The following CRADD variants were observed in gnomAD, a reference collection of about 807,000 sequenced individuals.
The protein encoded by CRADD is death domain-containing protein CRADD.
A neutral mutation model predicts 15.5 loss-of-function variants in CRADD; 9 were observed. The ratio of observed to expected loss-of-function variants is 0.58; its 90% CI spans 0.35 to 1.01. CRADD has a LOEUF of 1.01. CRADD is among the 50% of genes least tolerant of loss of function. The pLI, the probability that CRADD is intolerant of heterozygous loss-of-function variation, is 0.02. For synonymous variants in CRADD, 118 were observed against 107.6 expected (o/e 1.10, Z -0.60); for missense variants, 227 against 250.3 (o/e 0.91, Z 0.63).
At chr12:93,798,624 C>T (rs750761203) in intron 2 of CRADD, among the ~76,000 whole-genome samples, 2 of 152,090 alleles carry the variant, frequency 1.3e-5, no homozygotes, top group Non-Finnish European at 2.9e-5. Context: ...GGGCTCTTGA[C>T]CATTATTCTT....
chr12:93,834,828 C>T (rs1228387101), intron 2 of CRADD, among the ~76,000 whole-genome samples: 3 of 152,196 alleles, frequency 2.0e-5, no homozygotes, highest in Admixed American at 2.0e-4. Context: ...GTGCCCAGTA[C>T]TAATCTTTTT....
intron 2 of CRADD, among the ~76,000 whole-genome samples, chr12:93,846,132 C>A (rs1476655170): frequency 6.6e-6 from 1 of 152,220 alleles, no homozygotes; most frequent in Non-Finnish European, 1.5e-5. Context: ...CTTTTTAAGG[C>A]TGAATAATAT....
At position 93,690,745 on chromosome 12, in the gene CRADD, C is replaced by G. The variant is rs77807321; in HGVS notation, c.298+11673C>G. ...TGAGGTTCAAACACTGACAGTCTGG[C>G]TCACAGTCTGTGCTTCTAATCACTA... On this transcript the variant is annotated intron_variant, in intron 2 of 2. Coordinates refer to ENST00000332896, the MANE Select transcript of CRADD (RefSeq NM_003805.5). 2.0e-4 allele frequency among the ~76,000 whole-genome samples: 30 copies of G among 152,338 alleles called. 1 individual carries two copies. In the East Asian group the frequency reaches 5.8e-3, roughly 29 times the overall value.
At chr12:93,817,884 G>A (rs1299450342) in intron 2 of CRADD, among the ~76,000 whole-genome samples, 1 of 152,100 alleles carries the variant, frequency 6.6e-6, no homozygotes, top group East Asian at 1.9e-4. Flanking sequence ...TGCTACTACT[G>A]TTGCAACCTT....
intron 2 of CRADD, among the ~76,000 whole-genome samples, chr12:93,886,398 C>T (rs1258488610): frequency 2.6e-5 from 4 of 152,144 alleles, no homozygotes; most frequent in Non-Finnish European, 2.9e-5. Flanking sequence ...TGAGCTCAAG[C>T]GATCTGTCCG....
chr12:93,880,367 A>G (rs1242406281), intron 2 of CRADD, among the ~76,000 whole-genome samples: 1 of 152,080 alleles, frequency 6.6e-6, no homozygotes, highest in Admixed American at 6.6e-5. Flanking sequence ...TCCACCCCCA[A>G]AGGAAGGCTT....
chr12:93,715,364 G>A (rs1956143744), intron 2 of CRADD, among the ~76,000 whole-genome samples: 1 of 152,158 alleles, frequency 6.6e-6, no homozygotes, highest in Non-Finnish European at 1.5e-5. Flanking sequence ...AAGAACATTG[G>A]TAAACACATA....
chr12:93,863,750 A>G (rs1958338946), intron 2 of CRADD, among the ~76,000 whole-genome samples: 1 of 152,054 alleles, frequency 6.6e-6, no homozygotes, highest in African/African-American at 2.4e-5. Context: ...CACCCAAAAT[A>G]CCAGTAACAC....
chr12:93,756,404 A>C (rs1043770193), intron 2 of CRADD, among the ~76,000 whole-genome samples: 1 of 152,226 alleles, frequency 6.6e-6, no homozygotes, highest in African/African-American at 2.4e-5. Flanking sequence ...AAAAGGAATA[A>C]AATTTTGTTG....
intron 2 of CRADD, among the ~76,000 whole-genome samples, chr12:93,791,255 T>TA (rs1316706832): frequency 6.6e-6 from 1 of 151,930 alleles, no homozygotes; most frequent in Admixed American, 6.6e-5. Context: ...ATAGCCAAGA[T>TA]AGAGAATCAA....
intron 2 of CRADD, among the ~76,000 whole-genome samples, chr12:93,767,942 T>G (rs566317136): frequency 2.2e-4 from 33 of 152,246 alleles, no homozygotes; most frequent in Non-Finnish European, 3.7e-4. Flanking sequence ...TTGGAGTATA[T>G]CTTTCCTTGT....
chr12:93,743,996 T>C (rs1197237573), intron 2 of CRADD, among the ~76,000 whole-genome samples: 1 of 152,246 alleles, frequency 6.6e-6, no homozygotes, highest in Non-Finnish European at 1.5e-5. Context: ...TTTAACAGAC[T>C]CTTATGTGCT....
intron 2 of CRADD, among the ~76,000 whole-genome samples, chr12:93,687,847 T>G (rs1160427247): frequency 1.3e-5 from 2 of 152,186 alleles, no homozygotes; most frequent in Non-Finnish European, 2.9e-5. Context: ...CTACCAACAT[T>G]AAAATCCATT....
At chr12:93,844,360 C>T (rs1958087638) in intron 2 of CRADD, among the ~76,000 whole-genome samples, 1 of 152,176 alleles carries the variant, frequency 6.6e-6, no homozygotes, top group Admixed American at 6.5e-5. Context: ...GAACGGGTCT[C>T]ATGAGGATAC....
chr12:93,816,046 A>G lies in CRADD; in HGVS notation c.299-33924A>G, dbSNP rs1256777945. On this transcript the variant is annotated intron_variant, in intron 2 of 2. Transcript: ENST00000332896. Reference sequence around the variant, plus strand: ...ATCATGCAAGCCACCAATTGGAGCCACATATGTGGTTTACATTTGGAAGTA... The same window carrying G: ...ATCATGCAAGCCACCAATTGGAGCCGCATATGTGGTTTACATTTGGAAGTA... 8 of 152,258 alleles carry G rather than the reference A, an allele frequency of 5.3e-5. 1 individual carries two copies. The highest frequency in any genetic ancestry group is 4.1e-4 in the South Asian group (2 of 4,838). 9.4% of individuals were successfully genotyped at this position (152,258 alleles called of 1,614,324 possible).
At chr12:93,804,719 A>C (rs906562568) in intron 2 of CRADD, among the ~76,000 whole-genome samples, 10 of 152,110 alleles carry the variant, frequency 6.6e-5, no homozygotes, top group African/African-American at 2.4e-4. Flanking sequence ...ACACCAAGCA[A>C]AACAGTTGGA....
intron 2 of CRADD, among the ~76,000 whole-genome samples, chr12:93,825,387 A>G (rs1957812553): frequency 6.6e-6 from 1 of 152,218 alleles, no homozygotes; most frequent in Non-Finnish European, 1.5e-5. Flanking sequence ...GCTTCTCCAA[A>G]TATTAGTGAC....
chr12:93,850,315 T>C lies in CRADD; in HGVS notation c.*44T>C. 6.5e-7 allele frequency: 1 copy of C among 1,537,212 alleles called. No individual in the cohort carries two copies. The highest frequency in any genetic ancestry group is 8.7e-7 in the Non-Finnish European group (1 of 1,144,688). ...CTGGGGAGTGTGTCCCTGAGTCATGTGGGCTGAATCCTGACTTTCACTCAG... is the reference window on the plus strand; with the variant it reads ...CTGGGGAGTGTGTCCCTGAGTCATGCGGGCTGAATCCTGACTTTCACTCAG... On this transcript the variant is annotated 3_prime_UTR_variant, in exon 3 of 3. Transcript: ENST00000332896. The surrounding 1 kb of genome is among the most constrained non-coding windows in gnomAD (Gnocchi z 4.0).
intron 2 of CRADD, among the ~76,000 whole-genome samples, chr12:93,697,413 C>T (rs1347658354): frequency 6.6e-6 from 1 of 152,222 alleles, no homozygotes; most frequent in Non-Finnish European, 1.5e-5. Flanking sequence ...AATGCTTGAT[C>T]TTGCACCTTT....
Sources: allele counts gnomAD v4.1 joint callset (sites outside exome capture counted in the v4.1 genomes callset), GRCh38; gene constraint gnomAD v4.1.1; non-coding constraint Gnocchi (gnomAD v3.1); transcripts MANE v1.5; gene names NCBI Gene and HGNC (gene_info 2026-07-23, HGNC 2026-07-21).